Variants in KYNU observed in about 807,000 individuals in gnomAD.
KYNU encodes the protein kynureninase, also known as L-kynurenine hydrolase.
Under a neutral mutation model 59.2 loss-of-function variants are expected in KYNU, and 54 were observed. The ratio of observed to expected loss-of-function variants is 0.91; its 90% CI spans 0.73 to 1.14. The LOEUF is 1.14. Among genes scored for constraint, KYNU ranks in the 50% most tolerant of loss-of-function variants. The probability of loss-of-function intolerance (pLI) is 0.00; values close to 1 mark genes in which losing one functional copy is unlikely to be tolerated. For missense variants in KYNU, 567 were observed against 554.4 expected, an observed-to-expected ratio of 1.02 and a Z score of -0.23; for synonymous variants, 177 against 192.0, an observed-to-expected ratio of 0.92 and a Z score of 0.65.
At position 143,046,435 on chromosome 2, in the gene KYNU, T is replaced by A. The variant is rs1687165521; in HGVS notation, c.*4263T>A. 6.6e-6 allele frequency: 1 copy of A among 152,136 alleles called. No individual in the cohort carries two copies. The allele number at this position is 152,136 out of a possible 1,614,324, so 9.4% of individuals were successfully genotyped here. ...AGAGTCATAAACCATCTTTAAGTTC[T>A]CCTATGTTACAAGTAATTTTGTAAA... On this transcript the variant is annotated 3_prime_UTR_variant, in exon 14 of 14. Coordinates refer to ENST00000264170, the MANE Select transcript of KYNU (RefSeq NM_003937.3).
At chr2:142,956,131 T>C in intron 5 of KYNU, 72 bp from the exon 6 acceptor site, 2 of 821,236 alleles carry the variant, frequency 2.4e-6, no homozygotes, top group Non-Finnish European at 4.2e-6. Flanking sequence ...TATAAAATGA[T>C]AGTGTGACAT....
chr2:142,968,145 G>C (rs907252903), intron 8 of KYNU, among the ~76,000 whole-genome samples: 7 of 152,096 alleles, frequency 4.6e-5, no homozygotes, highest in Non-Finnish European at 8.8e-5. Context: ...CCATAGAATA[G>C]CATGCATTTG....
chr2:143,045,056 G>A lies in KYNU; in HGVS notation c.*2884G>A, dbSNP rs542327719. 1 of 152,106 alleles carries A rather than the reference G, an allele frequency of 6.6e-6. No homozygotes were observed. Among genetic ancestry groups the A allele is most frequent in the East Asian group, 1.9e-4 (1 of 5,172 alleles). 9.4% of individuals were successfully genotyped at this position (152,106 alleles called of 1,614,324 possible). A position where few individuals can be genotyped will look rare whatever the true frequency, so the allele number is the denominator to read the frequency against. ...AGTTTCAGTTTTCTGCATATGGCTA[G>A]CCAGTTTTCCCAACACTATTTATTA... On this transcript the variant is annotated 3_prime_UTR_variant, in exon 14 of 14. Transcript: ENST00000264170.
intron 10 of KYNU, among the ~76,000 whole-genome samples, chr2:143,024,687 C>T (rs1285290759): frequency 6.6e-6 from 1 of 152,004 alleles, no homozygotes; most frequent in East Asian, 1.9e-4. Flanking sequence ...TCCTTAAAAT[C>T]CAATAATTTT....
At chr2:142,932,469 T>C (rs1194736050) in intron 4 of KYNU, among the ~76,000 whole-genome samples, 2 of 152,228 alleles carry the variant, frequency 1.3e-5, no homozygotes, top group East Asian at 3.9e-4. Flanking sequence ...GTCTGGGGTT[T>C]GGTGGCCCCT....
intron 10 of KYNU, among the ~76,000 whole-genome samples, chr2:143,019,578 G>A (rs1306779131): frequency 6.6e-6 from 1 of 152,026 alleles, no homozygotes; most frequent in Non-Finnish European, 1.5e-5. Context: ...AAGGATTTTA[G>A]CAACTGTGTT....
intron 12 of KYNU, 78 bp from the exon 13 acceptor site, chr2:143,040,350 T>C: frequency 1.0e-6 from 1 of 964,412 alleles, no homozygotes; most frequent in South Asian, 1.3e-5. Context: ...ATTTCCTTTT[T>C]ATGCATGATT....
chr2:142,977,372 G>GATATATATATAT lies in KYNU; in HGVS notation c.730-7709_730-7698dup, dbSNP rs70997538. On this transcript the variant is annotated intron_variant, in intron 8 of 13. Transcript: ENST00000264170. ...AGCTTCCTGGATGGAATTTTGTGTGGATATATATATATATGAATAATCATA... is the reference window on the plus strand; with the variant it reads ...AGCTTCCTGGATGGAATTTTGTGTGGATATATATATATATATATATATATATGAATAATCATA... Among the ~76,000 whole-genome samples, 114 of 131,210 alleles carry GATATATATATAT rather than the reference G, an allele frequency of 8.7e-4. 7 individuals carry two copies. The highest frequency in any genetic ancestry group is 7.4e-3 in the South Asian group (28 of 3,796). 86.1% of individuals were successfully genotyped at this position (131,210 alleles called of 152,430 possible).
At chr2:142,883,963 C>G (rs1461924910) in intron 1 of KYNU, among the ~76,000 whole-genome samples, 1 of 152,182 alleles carries the variant, frequency 6.6e-6, no homozygotes, top group African/African-American at 2.4e-5. Context: ...ATCAGCAAAA[C>G]TATATGTAAA....
At position 143,033,115 on chromosome 2, in the gene KYNU, C is replaced by G. The variant is rs549592373; in HGVS notation, c.956-121C>G. The G allele has an allele frequency of 1.9e-5, 15 of 781,450 alleles. No individual in the cohort carries two copies. In the African/African-American group the frequency reaches 2.1e-4, roughly 11 times the overall value. 48.4% of individuals were successfully genotyped at this position (781,450 alleles called of 1,614,324 possible). On this transcript the variant is annotated intron_variant, in intron 11 of 13. Transcript: ENST00000264170. ...TCCATGGAGCTTATCTTAAATATCT[C>G]AGAAATCCTACTTAGGAAGAAAAGT...
At chr2:142,972,761 G>A (rs1684762524) in intron 8 of KYNU, among the ~76,000 whole-genome samples, 1 of 148,508 alleles carries the variant, frequency 6.7e-6, no homozygotes, top group African/African-American at 2.5e-5. Flanking sequence ...GCCATTTATA[G>A]TCAATTATGT....
intron 10 of KYNU, among the ~76,000 whole-genome samples, chr2:142,986,884 G>A (rs1480842913): frequency 6.6e-6 from 1 of 151,782 alleles, no homozygotes; most frequent in Non-Finnish European, 1.5e-5. Flanking sequence ...ATTAGTAATA[G>A]GCTTTGGAGC....
intron 10 of KYNU, among the ~76,000 whole-genome samples, chr2:143,018,964 T>C (rs1034984219): frequency 1.3e-5 from 2 of 152,190 alleles, no homozygotes; most frequent in African/African-American, 4.8e-5. Context: ...GAAGTGCTAC[T>C]GATTTTTTTA....
Position 143,007,096 on chromosome 2 carries a change from A to T in KYNU, c.902+21075A>T, listed in dbSNP as rs1169923386. ...AGCTGAGAGAAGAAGGCTTCAGACG[A>T]TCAAATTACTCTGAGCTATGGGAGG... is the stretch of plus-strand genomic sequence containing the variant. On this transcript the variant is annotated intron_variant, in intron 10 of 13. Coordinates refer to ENST00000264170, the MANE Select transcript of KYNU (RefSeq NM_003937.3). Among the ~76,000 whole-genome samples, 4 of 152,212 alleles carry T rather than the reference A, an allele frequency of 2.6e-5. No homozygotes were observed. In the Middle Eastern group the frequency reaches 0.01, roughly 388 times the overall value.
chr2:143,024,846 TTTC>T (rs1396241574), intron 10 of KYNU, among the ~76,000 whole-genome samples: 22 of 152,056 alleles, frequency 1.4e-4, no homozygotes, highest in African/African-American at 4.8e-4. Flanking sequence ...TTCTCAGGCT[TTTC>T]TTCTTTGGAA....
At chr2:143,012,426 T>C (rs1379163784) in intron 10 of KYNU, among the ~76,000 whole-genome samples, 1 of 148,072 alleles carries the variant, frequency 6.8e-6, no homozygotes, top group African/African-American at 2.5e-5. Context: ...GAGGTTGCAG[T>C]GAGCCAAGAT....
intron 11 of KYNU, among the ~76,000 whole-genome samples, chr2:143,032,053 G>A (rs531945897): frequency 4.4e-4 from 67 of 152,172 alleles, no homozygotes; most frequent in Non-Finnish European, 8.1e-4. Context: ...CAAGGCGGGC[G>A]GATCACGAGG....
chr2:143,006,455 G>T (rs1489372449), intron 10 of KYNU, among the ~76,000 whole-genome samples: 1 of 148,712 alleles, frequency 6.7e-6, no homozygotes, highest in Non-Finnish European at 1.5e-5. Context: ...AGATCAAACT[G>T]CAAGGTGGCA....
chr2:142,914,914 A>G (rs1682622684), intron 2 of KYNU, among the ~76,000 whole-genome samples: 1 of 152,062 alleles, frequency 6.6e-6, no homozygotes, highest in South Asian at 2.1e-4. Flanking sequence ...AATGGCCTTT[A>G]TTTGCATATT....
Sources: allele counts gnomAD v4.1 joint callset (sites outside exome capture counted in the v4.1 genomes callset), GRCh38; gene constraint gnomAD v4.1.1; transcripts MANE v1.5; gene names NCBI Gene and HGNC (gene_info 2026-07-23, HGNC 2026-07-21).